Variants in GOLPH3L observed in about 807,000 individuals in gnomAD.
GOLPH3L encodes the protein Golgi phosphoprotein 3-like.
Under a neutral mutation model 30.3 loss-of-function variants are expected in GOLPH3L, and 22 were observed. The ratio of observed to expected loss-of-function variants is 0.73; its 90% CI spans 0.52 to 1.04. The LOEUF (loss-of-function observed/expected upper bound fraction) is 1.04, where lower values mean the gene tolerates loss of function less well. Among genes scored for constraint, GOLPH3L ranks in the 50% least tolerant of loss-of-function variants. The probability of loss-of-function intolerance (pLI) is 0.00; values close to 1 mark genes in which losing one functional copy is unlikely to be tolerated. For synonymous variants in GOLPH3L, 120 were observed against 128.2 expected, an observed-to-expected ratio of 0.94 and a Z score of 0.43; for missense variants, 303 against 345.8, an observed-to-expected ratio of 0.88 and a Z score of 0.98.
intron 4 of GOLPH3L, among the ~76,000 whole-genome samples, chr1:150,660,661 T>A (rs1650347732): frequency 6.6e-6 from 1 of 152,182 alleles, no homozygotes; most frequent in Admixed American, 6.5e-5. Context: ...AACATTATGC[T>A]TGGTGAATAA....
intron 2 of GOLPH3L, among the ~76,000 whole-genome samples, chr1:150,689,898 CAA>C (rs1350007305): frequency 6.6e-6 from 1 of 152,032 alleles, no homozygotes. Context: ...TCAAACCTCC[CAA>C]AGTGCTGGGA....
At chr1:150,671,030 AG>A (rs1300768323) in intron 2 of GOLPH3L, among the ~76,000 whole-genome samples, 1 of 151,706 alleles carries the variant, frequency 6.6e-6, no homozygotes, top group African/African-American at 2.4e-5. Context: ...ACCTGAGGTC[AG>A]GAGTTTGAGA....
intron 3 of GOLPH3L, among the ~76,000 whole-genome samples, chr1:150,662,145 T>C (rs1337241252): frequency 6.6e-6 from 1 of 152,022 alleles, no homozygotes; most frequent in Non-Finnish European, 1.5e-5. Flanking sequence ...AAACTGGATA[T>C]GAATGATAAT....
At chr1:150,694,432 T>C (rs1304828747) in intron 2 of GOLPH3L, 2 of 424,972 alleles carry the variant, frequency 4.7e-6, no homozygotes, top group Non-Finnish European at 8.3e-6. Flanking sequence ...CTGTATCTTC[T>C]AAAATTTTGG....
chr1:150,652,380 CAAAAAAAA>C (rs34446972), intron 4 of GOLPH3L, among the ~76,000 whole-genome samples: 1 of 40,184 alleles, frequency 2.5e-5, no homozygotes, highest in Non-Finnish European at 3.8e-5. Flanking sequence ...GACTCTGTCT[CAAAAAAAA>C]AAAAAAAAAA....
intron 2 of GOLPH3L, among the ~76,000 whole-genome samples, chr1:150,673,352 AG>A (rs1298577126): frequency 6.6e-6 from 1 of 152,006 alleles, no homozygotes; most frequent in Non-Finnish European, 1.5e-5. Flanking sequence ...TCACAAGGTT[AG>A]GAGTTCGAGA....
At chr1:150,668,745 GT>G (rs904956170) in intron 2 of GOLPH3L, among the ~76,000 whole-genome samples, 1 of 150,864 alleles carries the variant, frequency 6.6e-6, no homozygotes, top group South Asian at 2.1e-4. Context: ...GTTAACACTT[GT>G]TTTTTTTTAT....
chr1:150,676,751 C>G (rs1650789159), intron 2 of GOLPH3L, among the ~76,000 whole-genome samples: 1 of 149,368 alleles, frequency 6.7e-6, no homozygotes, highest in South Asian at 2.1e-4. Flanking sequence ...TCAAGCAATT[C>G]TCCTGCCTCA....
In GOLPH3L at chr1:150,671,898, T is replaced by C. The variant is rs587773452; in HGVS notation, c.184-8135A>G. On this transcript the variant is annotated intron_variant, in intron 2 of 4. Transcript: ENST00000271732. ...CTCATAAGGAGTTTTTAAAATAACA[T>C]TAGAAAATACTTGTGATAAAGTTGA... is the stretch of plus-strand genomic sequence containing the variant. 9.3e-5 allele frequency among the ~76,000 whole-genome samples: 14 copies of C among 150,364 alleles called. No homozygotes were observed. In the South Asian group the frequency reaches 1.5e-3, roughly 16 times the overall value.
chr1:150,673,530 C>T (rs192484628), intron 2 of GOLPH3L, among the ~76,000 whole-genome samples: 96 of 151,206 alleles, frequency 6.3e-4, no homozygotes, highest in African/African-American at 2.2e-3. Flanking sequence ...CGCACCACTG[C>T]ACTCCAGCCC....
chr1:150,675,974 T>C (rs946480948), intron 2 of GOLPH3L, among the ~76,000 whole-genome samples: 5 of 148,134 alleles, frequency 3.4e-5, no homozygotes, highest in Admixed American at 6.8e-5. Flanking sequence ...CTCCCTCCCT[T>C]CCTTTTTTTT....
intron 2 of GOLPH3L, among the ~76,000 whole-genome samples, chr1:150,687,405 C>A (rs923121371): frequency 2.0e-5 from 3 of 151,944 alleles, no homozygotes; most frequent in Admixed American, 6.6e-5. Context: ...TGGTAAAACC[C>A]CGTTTCTACT....
At chr1:150,658,820 C>A (rs1238249751) in intron 4 of GOLPH3L, among the ~76,000 whole-genome samples, 1 of 152,130 alleles carries the variant, frequency 6.6e-6, no homozygotes, top group Non-Finnish European at 1.5e-5. Context: ...AATGATATGG[C>A]CCGCTGTAGG....
intron 2 of GOLPH3L, chr1:150,694,075 TCTTGAACTC>T (rs1222491553): frequency 2.5e-6 from 1 of 393,576 alleles, no homozygotes; most frequent in South Asian, 1.8e-5. Flanking sequence ...GCCAGGCTAG[TCTTGAACTC>T]CTGGCCTCAA....
chr1:150,690,925 T>A (rs1185454611), intron 2 of GOLPH3L, among the ~76,000 whole-genome samples: 2 of 152,180 alleles, frequency 1.3e-5, no homozygotes, highest in African/African-American at 2.4e-5. Context: ...TTAAAAAAAA[T>A]ATTTTGCATT....
intron 2 of GOLPH3L, among the ~76,000 whole-genome samples, chr1:150,693,830 T>C (rs1326163187): frequency 9.8e-6 from 1 of 101,668 alleles, no homozygotes; most frequent in South Asian, 2.9e-4. Context: ...TATATATATA[T>C]ATATATATAT....
At chr1:150,692,715 T>C (rs796606242) in intron 2 of GOLPH3L, among the ~76,000 whole-genome samples, 5 of 152,328 alleles carry the variant, frequency 3.3e-5, no homozygotes, top group African/African-American at 1.2e-4. Context: ...GTACAGTATC[T>C]CACCAATATG....
At chr1:150,685,627 ATTGCTTGAACCCACGAGGTGGAGG>A (rs1356023076) in intron 2 of GOLPH3L, among the ~76,000 whole-genome samples, 4 of 152,044 alleles carry the variant, frequency 2.6e-5, no homozygotes. Flanking sequence ...AGGCAAGAGA[ATTGCTTGAACCCACGAGGTGGAGG>A]TTGCAGTGGG....
intron 4 of GOLPH3L, 117 bp downstream of exon 4, chr1:150,661,697 A>C: frequency 6.4e-6 from 4 of 620,716 alleles, no homozygotes; most frequent in Non-Finnish European, 8.9e-6. Flanking sequence ...AGAATTAAAT[A>C]GTGAACCACA....
Sources: gnomAD v4.1 joint callset for allele counts (sites outside exome capture counted in the v4.1 genomes callset) on GRCh38, gnomAD v4.1.1 for gene constraint, MANE v1.5 for transcripts, NCBI Gene and HGNC (gene_info 2026-07-23, HGNC 2026-07-21) for gene names.